Variants in KCNAB1 observed in about 807,000 individuals in gnomAD.
KCNAB1 encodes the protein voltage-gated potassium channel subunit beta-1.
KCNAB1 carries 35 observed loss-of-function variants against 64.6 expected under a neutral mutation model. The observed-to-expected ratio is 0.54, with a 90% CI of 0.41 to 0.72. KCNAB1 has a LOEUF of 0.72. Ranked by LOEUF, KCNAB1 falls within the 30% of genes least tolerant of loss-of-function variation. The probability of loss-of-function intolerance (pLI) is 0.00; values close to 1 mark genes in which losing one functional copy is unlikely to be tolerated. For synonymous variants in KCNAB1, 177 were observed against 183.8 expected, an observed-to-expected ratio of 0.96 and a Z score of 0.30; for missense variants, 401 against 512.9, an observed-to-expected ratio of 0.78 and a Z score of 2.11.
At chr3:156,426,209 A>C (rs530962523) in intron 2 of KCNAB1, among the ~76,000 whole-genome samples, 13 of 152,296 alleles carry the variant, frequency 8.5e-5, no homozygotes, top group Middle Eastern at 3.4e-3. Context: ...AGGGACAAGG[A>C]GGAGCAAAGG....
intron 1 of KCNAB1, chr3:156,143,098 C>T (rs1714800182): frequency 6.8e-7 from 1 of 1,471,948 alleles, no homozygotes; most frequent in Admixed American, 2.5e-5. Flanking sequence ...GCCAGATAAC[C>T]CAAGGTATTC....
chr3:156,121,027 T>A, intron 1 of KCNAB1, 141 bp downstream of exon 1: 2 of 990,714 alleles, frequency 2.0e-6, no homozygotes, highest in Non-Finnish European at 2.9e-6. Context: ...TCAGAATGTG[T>A]AACCACAAAG....
intron 1 of KCNAB1, among the ~76,000 whole-genome samples, chr3:156,364,731 T>C (rs1725839460): frequency 6.6e-6 from 1 of 152,004 alleles, no homozygotes; most frequent in African/African-American, 2.4e-5. Flanking sequence ...TGAGCCAAGA[T>C]GGCACCGTTG....
intron 1 of KCNAB1, chr3:156,292,132 T>A: frequency 6.2e-7 from 1 of 1,613,760 alleles, no homozygotes; most frequent in Non-Finnish European, 8.5e-7. Flanking sequence ...AATATAGGTA[T>A]GCACGTAAGA....
chr3:156,279,367 T>G (rs1445900511), intron 1 of KCNAB1, among the ~76,000 whole-genome samples: 3 of 152,162 alleles, frequency 2.0e-5, no homozygotes, highest in African/African-American at 7.2e-5. Flanking sequence ...CGTCTATCAT[T>G]GTTGGACATT....
At chr3:156,415,361 C>T (rs1714976313) in intron 1 of KCNAB1, among the ~76,000 whole-genome samples, 1 of 152,156 alleles carries the variant, frequency 6.6e-6, no homozygotes, top group African/African-American at 2.4e-5. Context: ...CGATGATTAC[C>T]TCCATTTATG....
At chr3:156,174,212 T>G (rs754858767) in intron 1 of KCNAB1, among the ~76,000 whole-genome samples, 9 of 152,258 alleles carry the variant, frequency 5.9e-5, no homozygotes, top group Non-Finnish European at 1.0e-4. Context: ...CTAGCCTTCT[T>G]ATCTCCAGTT....
chr3:156,182,628 TTC>T (rs769631059), intron 1 of KCNAB1, among the ~76,000 whole-genome samples: 2,255 of 143,654 alleles, frequency 0.016, 52 homozygotes, highest in Non-Finnish European at 0.019. Flanking sequence ...TGGTTTTTTT[TTC>T]CCCCCCCCGG....
intron 8 of KCNAB1, among the ~76,000 whole-genome samples, chr3:156,475,353 C>T (rs1006046606): frequency 3.3e-5 from 5 of 152,168 alleles, no homozygotes; most frequent in Non-Finnish European, 7.4e-5. Flanking sequence ...TCTGTTATAA[C>T]TGTTTGAGGA....
rs536263951 is a variant in KCNAB1, at chr3:156,264,384, T to A, written c.275+143498T>A. 2.0e-5 allele frequency among the ~76,000 whole-genome samples: 3 copies of A among 152,206 alleles called. No individual in the cohort carries two copies. The South Asian group carries it at 6.2e-4, about 31-fold the overall frequency. ...TTTAGACTATGAAGGTTTAATGCAT[T>A]TATTGATATGATTTAATTTACGTTT... On this transcript the variant is annotated intron_variant, in intron 1 of 13. Coordinates refer to ENST00000490337, the MANE Select transcript of KCNAB1 (RefSeq NM_172160.3).
chr3:156,387,417 A>G (rs1560232310), intron 1 of KCNAB1, among the ~76,000 whole-genome samples: 1 of 152,162 alleles, frequency 6.6e-6, no homozygotes, highest in Non-Finnish European at 1.5e-5. Context: ...ATGGGGTTTC[A>G]TGTTCTCAGA....
chr3:156,233,577 C>T (rs1040732008), intron 1 of KCNAB1, among the ~76,000 whole-genome samples: 11 of 152,032 alleles, frequency 7.2e-5, no homozygotes, highest in African/African-American at 2.7e-4. Flanking sequence ...GATGAGAAGG[C>T]CTGAGTAGAG....
intron 1 of KCNAB1, among the ~76,000 whole-genome samples, chr3:156,195,781 C>T (rs1467055728): frequency 2.0e-5 from 3 of 152,122 alleles, no homozygotes; most frequent in Non-Finnish European, 4.4e-5. Flanking sequence ...TGCAGAAACT[C>T]TTTAGTTTAA....
chr3:156,421,774 C>A, intron 2 of KCNAB1, 115 bp downstream of exon 2: 1 of 840,122 alleles, frequency 1.2e-6, no homozygotes, highest in South Asian at 1.7e-5. Flanking sequence ...AGGAGGCTTC[C>A]TGGCCAGTAT....
intron 1 of KCNAB1, among the ~76,000 whole-genome samples, chr3:156,239,944 A>T (rs6775600): frequency 6.6e-6 from 1 of 151,948 alleles, no homozygotes; most frequent in African/African-American, 2.4e-5. Flanking sequence ...CAAGCTAGAG[A>T]TACTTTTAAA....
intron 1 of KCNAB1, among the ~76,000 whole-genome samples, chr3:156,320,215 T>C (rs1028914945): frequency 6.6e-6 from 1 of 152,164 alleles, no homozygotes; most frequent in African/African-American, 2.4e-5. Flanking sequence ...TTACCCTCAG[T>C]TATGCTGCCC....
intron 11 of KCNAB1, among the ~76,000 whole-genome samples, chr3:156,521,400 A>G (rs901865662): frequency 5.9e-5 from 9 of 152,124 alleles, no homozygotes; most frequent in Non-Finnish European, 8.8e-5. Flanking sequence ...GACTCCACGG[A>G]ACTCTGGTTT....
intron 8 of KCNAB1, among the ~76,000 whole-genome samples, chr3:156,502,063 C>A (rs994026901): frequency 1.3e-5 from 2 of 152,176 alleles, no homozygotes; most frequent in African/African-American, 4.8e-5. Flanking sequence ...CTGGGAGATA[C>A]AATTCAAGTG....
At chr3:156,286,278 T>G (rs934317381) in intron 1 of KCNAB1, among the ~76,000 whole-genome samples, 1 of 152,278 alleles carries the variant, frequency 6.6e-6, no homozygotes, top group African/African-American at 2.4e-5. Context: ...CAAACCCATG[T>G]TTTAAGAATT....
Sources: gnomAD v4.1 joint callset for allele counts (sites outside exome capture counted in the v4.1 genomes callset) on GRCh38, gnomAD v4.1.1 for gene constraint, MANE v1.5 for transcripts, NCBI Gene and HGNC (gene_info 2026-07-23, HGNC 2026-07-21) for gene names.